PASK: variants seen among roughly 807,000 people sequenced by gnomAD.
The protein encoded by PASK is PAS domain-containing serine/threonine-protein kinase.
A neutral mutation model predicts 121.0 loss-of-function variants in PASK; 110 were observed. That is an observed-to-expected ratio of 0.91 (90% CI 0.78 to 1.06). The LOEUF is 1.06. Among genes scored for constraint, PASK ranks in the 50% least tolerant of loss-of-function variants. The pLI is 0.00. For synonymous variants in PASK, 686 were observed against 717.8 expected, an observed-to-expected ratio of 0.96 and a Z score of 0.71; for missense variants, 1,643 against 1,702.3, an observed-to-expected ratio of 0.97 and a Z score of 0.61.
chr2:241,137,227 T>TC lies in PASK; in HGVS notation c.913dup (p.Asp305GlyfsTer24). On this transcript the variant is annotated frameshift_variant, in exon 7 of 18. Transcript: ENST00000234040. LOFTEE classifies it high-confidence loss of function. ...TAAGCTCAGAGGGAAGGTGGTACCG[T>TC]CCCTGGCTCTTCCAACAGACCTCTG... is the stretch of plus-strand genomic sequence containing the variant. 1.9e-6 allele frequency: 3 copies of TC among 1,613,014 alleles called. No homozygotes were observed. The highest frequency in any genetic ancestry group is 2.5e-6 in the Non-Finnish European group (3 of 1,179,080).
At chr2:241,125,318 A>T (rs1458194610) in intron 10 of PASK, among the ~76,000 whole-genome samples, 2 of 134,460 alleles carry the variant, frequency 1.5e-5, no homozygotes, top group Admixed American at 7.5e-5. Flanking sequence ...TAAAAAAAAT[A>T]GGCCGGGCAC....
At chr2:241,132,112 G>A (rs1001373519) in intron 9 of PASK, among the ~76,000 whole-genome samples, 2 of 150,508 alleles carry the variant, frequency 1.3e-5, no homozygotes, top group Non-Finnish European at 3.0e-5. Flanking sequence ...ACACACACAC[G>A]TGCTATGTAC....
intron 9 of PASK, among the ~76,000 whole-genome samples, chr2:241,131,188 G>A (rs1575301414): frequency 6.8e-6 from 1 of 146,200 alleles, no homozygotes; most frequent in Admixed American, 7.0e-5. Context: ...TCACTCTGTC[G>A]CCCAGGCTGG....
At position 241,135,893 on chromosome 2, in the gene PASK, C is replaced by G. The variant is rs755123998; in HGVS notation, c.1284G>C (p.Gln428His). Residue 428 changes from glutamine (Q) to histidine (H), a missense_variant, in exon 8 of 18, where the codon CAG becomes CAC. Gln to His is a conservative substitution (Grantham distance 24, BLOSUM62 0). Coordinates refer to ENST00000234040, the MANE Select transcript of PASK (RefSeq NM_015148.4). ...TACCCTGGCCCCCCTCAGCTGGGTC[C>G]TGGCCCTGCCACGGGTCCAAGGTTC... ...GERTLDPWQGQDPAEGGQDPR... is the reference protein window; with the variant it reads ...GERTLDPWQGHDPAEGGQDPR... The G allele has an allele frequency of 5.0e-6, 8 of 1,614,050 alleles. No homozygotes were observed. The highest frequency in any genetic ancestry group is 1.1e-5 in the South Asian group (1 of 91,090).
chr2:241,140,957 G>A (rs1035181150), intron 2 of PASK: 16 of 616,472 alleles, frequency 2.6e-5, no homozygotes, highest in Admixed American at 1.5e-4. Flanking sequence ...AGGTCCACTC[G>A]GAAGCACAAA....
At position 241,107,338 on chromosome 2, in the gene PASK, G is replaced by T; in HGVS notation, c.3814+15C>A. 6.2e-7 allele frequency: 1 copy of T among 1,611,022 alleles called. No individual in the cohort carries two copies. Among genetic ancestry groups the T allele is most frequent in the Non-Finnish European group, 8.5e-7 (1 of 1,177,286 alleles). On this transcript the variant is annotated intron_variant, in intron 17 of 17. Transcript: ENST00000234040. ...GTGAAGTCATGTGGGGTGGAGGGAT[G>T]CTGAGAAGCCTCACCTGGCTTGTTT...
intron 10 of PASK, 62 bp downstream of exon 10, chr2:241,126,134 G>A (rs1363045645): frequency 3.4e-6 from 5 of 1,463,702 alleles, no homozygotes; most frequent in Non-Finnish European, 4.8e-6. Flanking sequence ...GGAAGGCCCT[G>A]CACCCCCACT....
At chr2:241,140,159 C>T in intron 3 of PASK, 104 bp from the exon 4 acceptor site, 3 of 891,910 alleles carry the variant, frequency 3.4e-6, no homozygotes, top group Non-Finnish European at 5.5e-6. Context: ...CTTTTCCTGA[C>T]AGACAGGGTC....
At chr2:241,146,206 C>G (rs1381752132) in intron 1 of PASK, among the ~76,000 whole-genome samples, 2 of 152,142 alleles carry the variant, frequency 1.3e-5, no homozygotes, top group Non-Finnish European at 2.9e-5. Context: ...CCTACTAAGT[C>G]AGCAGAAATG....
chr2:241,122,588 G>A (rs891883482), intron 12 of PASK, 144 bp downstream of exon 12: 12 of 791,040 alleles, frequency 1.5e-5, no homozygotes, highest in African/African-American at 5.1e-5. Context: ...CTTTGAATCC[G>A]GAAACCGCCC....
rs1451598361 is a variant in PASK at position 241,112,124 on chromosome 2, C to G, written c.3533+116G>C. On this transcript the variant is annotated intron_variant, in intron 15 of 17. Coordinates refer to ENST00000234040, the MANE Select transcript of PASK (RefSeq NM_015148.4). The surrounding 1 kb of genome is among the most constrained non-coding windows in gnomAD (Gnocchi z 5.2). ...ACTTTCCAGCATATCACCCTGACCACTCAACACTCATCACAAAGAGGCACA... is the reference window on the plus strand; with the variant it reads ...ACTTTCCAGCATATCACCCTGACCAGTCAACACTCATCACAAAGAGGCACA... 3 of 828,050 alleles carry G rather than the reference C, an allele frequency of 3.6e-6. No homozygotes were observed. Among genetic ancestry groups the G allele is most frequent in the Non-Finnish European group, 6.2e-6 (3 of 482,866 alleles). 51.3% of individuals were successfully genotyped at this position (828,050 alleles called of 1,614,324 possible). A position where few individuals can be genotyped will look rare whatever the true frequency, so the allele number is the denominator to read the frequency against.
At position 241,123,842 on chromosome 2, in the gene PASK, A is replaced by G. The variant is rs1575271816; in HGVS notation, c.2904+107T>C. 6 of 965,842 alleles carry G rather than the reference A, an allele frequency of 6.2e-6. No homozygotes were observed. In the East Asian group the frequency reaches 1.0e-4, roughly 16 times the overall value. The allele number at this position is 965,842 out of a possible 1,614,324, so 59.8% of individuals were successfully genotyped here. A position where few individuals can be genotyped will look rare whatever the true frequency, so the allele number is the denominator to read the frequency against. On this transcript the variant is annotated intron_variant, in intron 11 of 17. Transcript: ENST00000234040. ...CCAGAAAAAAAAAAAAAAAGCTACA[A>G]ACAGACTGTATTCCCGTCCCCAAGG...
chr2:241,130,472 G>A (rs2066073909), intron 9 of PASK, among the ~76,000 whole-genome samples: 1 of 152,218 alleles, frequency 6.6e-6, no homozygotes, highest in African/African-American at 2.4e-5. Context: ...GACAACGGGA[G>A]CACTGGCAAG....
rs1382884656 is a variant in PASK, at chr2:241,106,716, T to C, written c.3822A>G (p.Gly1274=). 6.2e-7 allele frequency: 1 copy of C among 1,613,966 alleles called. No homozygotes were observed. The highest frequency in any genetic ancestry group is 1.3e-5 in the African/African-American group (1 of 74,932). The change falls in exon 18 of 18, where the codon GGA becomes GGG. Residue 1274 remains glycine (G), a synonymous_variant. Coordinates refer to ENST00000234040, the MANE Select transcript of PASK (RefSeq NM_015148.4). ...EVFRVNKPES[G]VLSAASLEMG... is the part of the protein sequence containing the mutation. ...TCTCCAGGCTCGCAGCGGACAGAAC[T>C]CCACTTTCTGAAGAAACAAGAAGGT...
At position 241,136,372 on chromosome 2, in the gene PASK, G is replaced by C. The variant is rs1166227265; in HGVS notation, c.1138-333C>G. Among the ~76,000 whole-genome samples the C allele has an allele frequency of 2.0e-5, 3 of 152,310 alleles. No homozygotes were observed. The East Asian group carries it at 5.8e-4, about 29-fold the overall frequency. ...TGTGTTTGCAAGCCTCACCTCACGC[G>C]GCTCACTGGTGGCCGGAACAGTGAC... On this transcript the variant is annotated intron_variant, in intron 7 of 17. Transcript: ENST00000234040.
At position 241,112,414 on chromosome 2, in the gene PASK, C is replaced by T. The variant is rs150127553; in HGVS notation, c.3359G>A (p.Arg1120His). Residue 1120 changes from arginine (R) to histidine (H), a missense_variant, in exon 15 of 18, where the codon CGC becomes CAC. Physicochemically the swap from Arg to His is conservative, Grantham distance 29. Around this residue, in one of 3 missense-constraint regions of PASK, gnomAD observed 453 missense variants for 511.2 expected, o/e 0.89. Transcript: ENST00000234040. The surrounding 1 kb of genome is among the most constrained non-coding windows in gnomAD (Gnocchi z 5.2). ...RQLVSAVGYL[R>H]LKDIIHRDIK... ...GTCACGGTGGATGATGTCCTTCAAG[C>T]GCAGGTATCCCACTGCTGACACTAG... is the stretch of plus-strand genomic sequence containing the variant. The T allele has an allele frequency of 2.3e-4, 374 of 1,613,438 alleles. No homozygotes were observed. The South Asian group carries it at 3.9e-3, about 17-fold the overall frequency.
At chr2:241,109,586 A>C (rs2065024161) in intron 15 of PASK, 1 of 152,568 alleles carries the variant, frequency 6.6e-6, no homozygotes, top group Admixed American at 6.5e-5. Flanking sequence ...GGCAGATCAC[A>C]GAGGCCAGAG....
chr2:241,133,274 G>A (rs1299333513), intron 8 of PASK: 4 of 564,448 alleles, frequency 7.1e-6, no homozygotes, highest in African/African-American at 5.6e-5. Context: ...TCAGAGCACG[G>A]CACTCACCTG....
At chr2:241,150,182 GC>G, upstream of PASK, 2 of 1,279,222 alleles carry the variant, frequency 1.6e-6, no homozygotes, top group Non-Finnish European at 2.0e-6. Context: ...TCTCCACTCT[GC>G]CTAGACGTCC....
Sources: gnomAD v4.1 joint callset for allele counts (sites outside exome capture counted in the v4.1 genomes callset) on GRCh38, gnomAD v4.1.1 for gene constraint, gnomAD v4.1.1 regional missense constraint, Gnocchi (gnomAD v3.1) non-coding constraint, MANE v1.5 for transcripts, NCBI Gene and HGNC (gene_info 2026-07-23, HGNC 2026-07-21) for gene names.